The following CDH4 variants were observed in gnomAD, a reference collection of about 807,000 sequenced individuals.
CDH4 encodes the protein cadherin 4, also known as cadherin-4.
Under a neutral mutation model 86.0 loss-of-function variants are expected in CDH4, and 33 were observed. The observed-to-expected ratio is 0.38, with a 90% CI of 0.29 to 0.51. The LOEUF (loss-of-function observed/expected upper bound fraction) is 0.51, where lower values mean the gene tolerates loss of function less well. Ranked by LOEUF, CDH4 falls within the 20% of genes least tolerant of loss-of-function variation. CDH4 has a pLI of 0.86. For missense variants in CDH4, 1,114 were observed against 1,307.4 expected (o/e 0.85, Z 2.28); for synonymous variants, 555 against 549.4 (o/e 1.01, Z -0.14).
intron 2 of CDH4, among the ~76,000 whole-genome samples, chr20:61,525,167 C>A (rs1031757529): frequency 6.6e-6 from 1 of 152,176 alleles, no homozygotes; most frequent in Non-Finnish European, 1.5e-5. Context: ...TTTGCTCAGT[C>A]ATCCCCCCTA....
At chr20:61,846,187 C>T (rs185356575) in intron 5 of CDH4, among the ~76,000 whole-genome samples, 17 of 152,364 alleles carry the variant, frequency 1.1e-4, no homozygotes, top group Admixed American at 2.6e-4. Flanking sequence ...TGCACCGGGG[C>T]CTTATCAGTC....
At chr20:61,671,573 TGTGGATGGATGATGAACGG>T (rs2087387403) in intron 2 of CDH4, among the ~76,000 whole-genome samples, 2 of 150,946 alleles carry the variant, frequency 1.3e-5, no homozygotes, top group Admixed American at 1.3e-4. Context: ...ATGATAGGTT[TGTGGATGGATGATGAACGG>T]GTGGATGGAT....
At chr20:61,824,649 A>G (rs1981225484) in intron 4 of CDH4, among the ~76,000 whole-genome samples, 1 of 152,248 alleles carries the variant, frequency 6.6e-6, no homozygotes, top group Non-Finnish European at 1.5e-5. Flanking sequence ...TAGTCTTGAT[A>G]AGAAATAGTA....
chr20:61,271,395 A>T (rs542602542), intron 2 of CDH4, among the ~76,000 whole-genome samples: 2 of 152,182 alleles, frequency 1.3e-5, no homozygotes, highest in Non-Finnish European at 2.9e-5. Flanking sequence ...GCCCATTGAC[A>T]ATGGCGCTCC....
At chr20:61,511,320 A>C (rs2085778286) in intron 2 of CDH4, among the ~76,000 whole-genome samples, 1 of 152,214 alleles carries the variant, frequency 6.6e-6, no homozygotes, top group Non-Finnish European at 1.5e-5. Context: ...AAGTCGTCTT[A>C]CGTTTTCTGC....
At chr20:61,496,045 T>G (rs1228776139) in intron 2 of CDH4, among the ~76,000 whole-genome samples, 1 of 152,004 alleles carries the variant, frequency 6.6e-6, no homozygotes, top group Admixed American at 6.6e-5. Context: ...TTATGAAAAT[T>G]TTCATACTTA....
chr20:61,533,525 G>A (rs2085971915), intron 2 of CDH4, among the ~76,000 whole-genome samples: 1 of 152,256 alleles, frequency 6.6e-6, no homozygotes, highest in African/African-American at 2.4e-5. Flanking sequence ...CCGGGGCTCA[G>A]CCTCCCTGGC....
chr20:61,675,990 G>A (rs1203082106), intron 2 of CDH4, among the ~76,000 whole-genome samples: 3 of 152,180 alleles, frequency 2.0e-5, no homozygotes, highest in Non-Finnish European at 4.4e-5. Context: ...CCTGCCCAGA[G>A]CACAGGCTCA....
rs143336161 is a variant in CDH4, at chr20:61,819,047, C to T, written c.577-25621C>T. Among the ~76,000 whole-genome samples, 211 of 152,340 alleles carry T rather than the reference C, an allele frequency of 1.4e-3. 1 individual carries two copies. The highest frequency in any genetic ancestry group is 4.5e-3 in the African/African-American group (186 of 41,584). On this transcript the variant is annotated intron_variant, in intron 4 of 15. Transcript: ENST00000614565. ...CAGCACGGCAGGAGCCATGTGGCTGCGCCCCACATGCCCTGAGCAGACAGA... is the reference window on the plus strand; with the variant it reads ...CAGCACGGCAGGAGCCATGTGGCTGTGCCCCACATGCCCTGAGCAGACAGA...
At chr20:61,380,199 A>T (rs1600918826) in intron 2 of CDH4, among the ~76,000 whole-genome samples, 3 of 152,312 alleles carry the variant, frequency 2.0e-5, no homozygotes, top group Middle Eastern at 6.8e-3. Flanking sequence ...ATTCATTGTA[A>T]TGAATGATTT....
Position 61,534,665 on chromosome 20 carries a change from C to CTTTTTTTTTTTTTTTT in CDH4, c.170-208891_170-208876dup, listed in dbSNP as rs34309371. Among the ~76,000 whole-genome samples, 27 of 76,054 alleles carry CTTTTTTTTTTTTTTTT rather than the reference C, an allele frequency of 3.6e-4. 2 individuals are homozygous for CTTTTTTTTTTTTTTTT. The highest frequency in any genetic ancestry group is 1.9e-3 in the African/African-American group (18 of 9,320). The allele number at this position is 76,054 out of a possible 152,430, so 49.9% of individuals were successfully genotyped here. A position where few individuals can be genotyped will look rare whatever the true frequency, so the allele number is the denominator to read the frequency against. On this transcript the variant is annotated intron_variant, in intron 2 of 15. Coordinates refer to ENST00000614565, the MANE Select transcript of CDH4 (RefSeq NM_001794.5). ...CTTTCTTTCTTTTCTTTCTTTCTTTCTTTTTTTTTTTTTTTTTTTTTTGAG... is the reference window on the plus strand; with the variant it reads ...CTTTCTTTCTTTTCTTTCTTTCTTTCTTTTTTTTTTTTTTTTTTTTTTTTTTTTTTTTTTTTTTGAG...
rs149250801 is a variant in CDH4, at chr20:61,625,587, C to T, written c.170-117976C>T. Among the ~76,000 whole-genome samples the T allele has an allele frequency of 6.4e-3, 978 of 152,166 alleles. 33 individuals are homozygous for T. The highest frequency in any genetic ancestry group is 0.06 in the Admixed American group (917 of 15,276). On this transcript the variant is annotated intron_variant, in intron 2 of 15. Transcript: ENST00000614565. ...TCAATGAAAACAAATCTCAAAGCAG[C>T]GAAAACAACATGATTTTCAAGAGGA...
chr20:61,426,818 A>G (rs1302424638), intron 2 of CDH4, among the ~76,000 whole-genome samples: 2 of 152,236 alleles, frequency 1.3e-5, no homozygotes, highest in African/African-American at 4.8e-5. Context: ...GGAGTAGGGT[A>G]TATGCAGAAG....
chr20:61,936,386 CCCTCCCCCACA>C (rs2055187626), intron 15 of CDH4, among the ~76,000 whole-genome samples: 2 of 11,274 alleles, frequency 1.8e-4, no homozygotes, highest in Admixed American at 7.2e-4. Flanking sequence ...CCCCCACACC[CCCTCCCCCACA>C]CCCCCTCCCC....
At chr20:61,546,211 T>G (rs2086084764) in intron 2 of CDH4, among the ~76,000 whole-genome samples, 1 of 114,812 alleles carries the variant, frequency 8.7e-6, no homozygotes, top group African/African-American at 3.3e-5. Flanking sequence ...CATTCGTGCG[T>G]GTGTGTGGAG....
chr20:61,915,204 G>T (rs796661266), intron 9 of CDH4, among the ~76,000 whole-genome samples: 7 of 152,364 alleles, frequency 4.6e-5, no homozygotes, highest in African/African-American at 1.7e-4. Flanking sequence ...AAAGCCATCT[G>T]TTAACCGTCC....
intron 2 of CDH4, among the ~76,000 whole-genome samples, chr20:61,683,392 C>A (rs1023815724): frequency 6.6e-6 from 1 of 152,184 alleles, no homozygotes; most frequent in Non-Finnish European, 1.5e-5. Context: ...ATCTACTGTA[C>A]CCTGCAGTGA....
chr20:61,390,608 G>C (rs973821315), intron 2 of CDH4, among the ~76,000 whole-genome samples: 1 of 147,032 alleles, frequency 6.8e-6, no homozygotes, highest in South Asian at 2.2e-4. Flanking sequence ...TGCCGTGTCT[G>C]GGAAACCCCA....
intron 8 of CDH4, among the ~76,000 whole-genome samples, chr20:61,899,552 C>G (rs559949284): frequency 6.6e-6 from 1 of 152,030 alleles, no homozygotes. Context: ...CTCAGCCTCC[C>G]GAGTAGCTGG....
Sources: gnomAD v4.1 joint callset for allele counts (sites outside exome capture counted in the v4.1 genomes callset) on GRCh38, gnomAD v4.1.1 for gene constraint, MANE v1.5 for transcripts, NCBI Gene and HGNC (gene_info 2026-07-23, HGNC 2026-07-21) for gene names.